COG3: variants seen among roughly 807,000 people sequenced by gnomAD.
The protein encoded by COG3 is component of oligomeric golgi complex 3, also known as conserved oligomeric Golgi complex subunit 3.
In COG3, 32 loss-of-function variants were observed where a neutral mutation model predicts 114.1. The observed-to-expected ratio is 0.28, with a 90% confidence interval of 0.21 to 0.38. The LOEUF is 0.38. Ranked by LOEUF, COG3 falls within the 10% of genes least tolerant of loss-of-function variation. COG3 has a pLI of 1.00. For missense variants in COG3, 813 were observed against 973.2 expected, an observed-to-expected ratio of 0.84 and a Z score of 2.19; for synonymous variants, 352 against 365.7, an observed-to-expected ratio of 0.96 and a Z score of 0.43.
intron 13 of COG3, among the ~76,000 whole-genome samples, chr13:45,497,171 C>G (rs1354840518): frequency 2.0e-5 from 3 of 152,174 alleles, no homozygotes; most frequent in African/African-American, 7.2e-5. Context: ...ACCCTGGAGG[C>G]CGTCTCCTCA....
chr13:45,493,226 A>G, intron 11 of COG3, 121 bp from the exon 12 acceptor site: 1 of 728,808 alleles, frequency 1.4e-6, no homozygotes, highest in East Asian at 2.5e-5. Context: ...GTCCTCAGAT[A>G]CTATTTTCCA....
At chr13:45,501,665 G>A (rs895149539) in intron 13 of COG3, among the ~76,000 whole-genome samples, 1 of 152,182 alleles carries the variant, frequency 6.6e-6, no homozygotes, top group Non-Finnish European at 1.5e-5. Context: ...GGCATTAGGT[G>A]TGCTCGTTGC....
At chr13:45,469,324 C>CT (rs1323192714) in intron 1 of COG3, among the ~76,000 whole-genome samples, 6 of 152,190 alleles carry the variant, frequency 3.9e-5, no homozygotes, top group Admixed American at 1.3e-4. Flanking sequence ...AGAAGATAAA[C>CT]TTTTTTTGGT....
intron 17 of COG3, among the ~76,000 whole-genome samples, chr13:45,517,986 A>G (rs1871721139): frequency 6.6e-6 from 1 of 152,192 alleles, no homozygotes; most frequent in African/African-American, 2.4e-5. Context: ...GAGGGATCTT[A>G]TAGAAAAGAC....
intron 20 of COG3, 82 bp from the exon 21 acceptor site, chr13:45,529,709 T>A (rs1872999038): frequency 7.0e-6 from 7 of 996,510 alleles, no homozygotes; most frequent in Non-Finnish European, 8.6e-6. Flanking sequence ...TATTTTTTTC[T>A]CCCTTTATTC....
intron 21 of COG3, among the ~76,000 whole-genome samples, 194 bp from the exon 22 acceptor site, chr13:45,530,488 G>A (rs1873074099): frequency 1.3e-5 from 2 of 152,150 alleles, no homozygotes; most frequent in South Asian, 4.1e-4. Flanking sequence ...GTCTTCCTGG[G>A]AAGCATTATC....
intron 3 of COG3, among the ~76,000 whole-genome samples, 182 bp from the exon 4 acceptor site, chr13:45,479,943 A>C (rs1381096392): frequency 6.6e-6 from 1 of 152,234 alleles, no homozygotes; most frequent in Non-Finnish European, 1.5e-5. Context: ...TTGCCTTCTT[A>C]AGTATTGAAA....
chr13:45,495,044 C>T (rs1868590659), intron 12 of COG3, among the ~76,000 whole-genome samples: 2 of 150,950 alleles, frequency 1.3e-5, no homozygotes, highest in South Asian at 4.2e-4. Context: ...TGGGGTTTCA[C>T]CGTGTTGGCC....
At chr13:45,469,987 C>T (rs941345045) in intron 1 of COG3, among the ~76,000 whole-genome samples, 3 of 152,094 alleles carry the variant, frequency 2.0e-5, no homozygotes, top group Admixed American at 6.5e-5. Context: ...AAGAATTGGA[C>T]GAGCAGGGGA....
intron 8 of COG3, among the ~76,000 whole-genome samples, chr13:45,488,817 C>T (rs1221569610): frequency 2.0e-5 from 3 of 152,112 alleles, no homozygotes; most frequent in African/African-American, 4.8e-5. Flanking sequence ...TCTTTCTACT[C>T]ATTGTGAAGT....
At chr13:45,504,109 G>C (rs1869856739) in intron 14 of COG3, among the ~76,000 whole-genome samples, 1 of 152,092 alleles carries the variant, frequency 6.6e-6, no homozygotes, top group South Asian at 2.1e-4. Context: ...CTAAAGCGTA[G>C]CTCCCCATGG....
intron 10 of COG3, 128 bp from the exon 11 acceptor site, chr13:45,492,031 G>T (rs907814868): frequency 3.8e-6 from 2 of 527,452 alleles, no homozygotes; most frequent in Non-Finnish European, 6.7e-6. Flanking sequence ...ACCATTTTCC[G>T]TTCTTCAGTA....
intron 19 of COG3, among the ~76,000 whole-genome samples, chr13:45,521,895 C>T (rs533118168): frequency 8.6e-5 from 13 of 150,600 alleles, no homozygotes; most frequent in African/African-American, 2.2e-4. Context: ...CTCTGCCTCC[C>T]GGGTCCAAGC....
intron 13 of COG3, among the ~76,000 whole-genome samples, chr13:45,502,708 A>T (rs1869678531): frequency 6.6e-6 from 1 of 151,762 alleles, no homozygotes; most frequent in South Asian, 2.1e-4. Flanking sequence ...GATTTCTGAG[A>T]CTTTAGTGCA....
At chr13:45,506,453 A>G (rs539214166) in intron 14 of COG3, among the ~76,000 whole-genome samples, 49 of 152,276 alleles carry the variant, frequency 3.2e-4, no homozygotes, top group Non-Finnish European at 1.5e-4. Context: ...AGAACATTGT[A>G]GTTATAAAGT....
At chr13:45,533,497 C>T (rs1049889580) in intron 22 of COG3, among the ~76,000 whole-genome samples, 1 of 152,162 alleles carries the variant, frequency 6.6e-6, no homozygotes, top group Non-Finnish European at 1.5e-5. Context: ...AGACATTGTG[C>T]TCCTGTACTG....
chr13:45,477,999 G>A (rs7317462), intron 2 of COG3, among the ~76,000 whole-genome samples: 107,161 of 151,968 alleles, frequency 0.71, 39,705 homozygotes, highest in Middle Eastern at 0.82. Flanking sequence ...ATTAGATAAC[G>A]TTAATATTGA....
Position 45,480,205 on chromosome 13 carries a change from T to G in COG3, c.464T>G (p.Leu155Arg). The change falls in exon 4 of 23, where the codon CTG (leucine) becomes CGG (arginine). Residue 155 changes from leucine (L) to arginine (R), a missense_variant. Coordinates refer to ENST00000349995, the MANE Select transcript of COG3 (RefSeq NM_031431.4). Reference protein sequence around the residue: ...LNDVNSALQHLESLQKQYLFV... With the variant: ...LNDVNSALQHRESLQKQYLFV... ...GATGTAAACAGTGCTCTTCAGCATCTGGAGTCTTTGCAGAAACAGTATCTT... is the reference window on the plus strand; with the variant it reads ...GATGTAAACAGTGCTCTTCAGCATCGGGAGTCTTTGCAGAAACAGTATCTT... 3 of 1,613,632 alleles carry G rather than the reference T, an allele frequency of 1.9e-6. No individual in the cohort carries two copies. The highest frequency in any genetic ancestry group is 1.7e-6 in the Non-Finnish European group (2 of 1,179,556).
intron 2 of COG3, 45 bp downstream of exon 2, chr13:45,476,392 G>A: frequency 6.4e-7 from 1 of 1,572,380 alleles, no homozygotes; most frequent in Non-Finnish European, 8.7e-7. Flanking sequence ...TATTTCAGAT[G>A]TCTGAAGACA....
Sources: allele counts gnomAD v4.1 joint callset (sites outside exome capture counted in the v4.1 genomes callset), GRCh38; gene constraint gnomAD v4.1.1; transcripts MANE v1.5; gene names NCBI Gene and HGNC (gene_info 2026-07-23, HGNC 2026-07-21).